Variants in ENTHD1 observed in about 807,000 individuals in gnomAD.
ENTHD1 encodes ENTH domain containing 1, also known as ENTH domain-containing protein 1.
In ENTHD1, 23 loss-of-function variants were observed where a neutral mutation model predicts 39.1. The ratio of observed to expected loss-of-function variants is 0.59; its 90% confidence interval spans 0.42 to 0.83. The LOEUF is 0.83. Ranked by LOEUF, ENTHD1 falls within the 40% of genes least tolerant of loss-of-function variation. The pLI is 0.00. For missense variants in ENTHD1, 624 were observed against 705.4 expected, an observed-to-expected ratio of 0.88 and a Z score of 1.31; for synonymous variants, 230 against 258.2, an observed-to-expected ratio of 0.89 and a Z score of 1.05.
At chr22:39,765,849 A>C (rs532779452) in intron 5 of ENTHD1, among the ~76,000 whole-genome samples, 17 of 152,030 alleles carry the variant, frequency 1.1e-4, no homozygotes, top group Admixed American at 3.3e-4. Context: ...TGAAGCACAA[A>C]GCAAGGAAAG....
At chr22:39,835,305 T>C (rs2065900741) in intron 4 of ENTHD1, among the ~76,000 whole-genome samples, 1 of 152,088 alleles carries the variant, frequency 6.6e-6, no homozygotes, top group South Asian at 2.1e-4. Context: ...AGTATACAAT[T>C]ATTTCATAGT....
At chr22:39,883,869 A>AG (rs1473310443) in intron 2 of ENTHD1, among the ~76,000 whole-genome samples, 2 of 151,282 alleles carry the variant, frequency 1.3e-5, no homozygotes, top group African/African-American at 2.4e-5. Flanking sequence ...AAAAAAAAAA[A>AG]AAAAAAGACA....
chr22:39,803,100 C>T (rs2065611859), intron 5 of ENTHD1, among the ~76,000 whole-genome samples: 1 of 152,154 alleles, frequency 6.6e-6, no homozygotes, highest in Admixed American at 6.5e-5. Context: ...TATGTTCCTG[C>T]TGTCTTCGGA....
chr22:39,784,579 C>T (rs906026477), intron 5 of ENTHD1, among the ~76,000 whole-genome samples: 1 of 151,202 alleles, frequency 6.6e-6, no homozygotes, highest in African/African-American at 2.4e-5. Context: ...CACACACACA[C>T]ACACTAGAAT....
At chr22:39,824,201 CTTT>C (rs71197195) in intron 4 of ENTHD1, among the ~76,000 whole-genome samples, 5 of 71,410 alleles carry the variant, frequency 7.0e-5, no homozygotes, top group African/African-American at 2.8e-4. Flanking sequence ...TTGTCCAGTT[CTTT>C]TTTTTTTTTT....
At chr22:39,807,588 C>T (rs1240874226) in intron 5 of ENTHD1, among the ~76,000 whole-genome samples, 1 of 152,110 alleles carries the variant, frequency 6.6e-6, no homozygotes, top group Non-Finnish European at 1.5e-5. Flanking sequence ...CTCTCTTGCC[C>T]ACTCCTCCTG....
chr22:39,848,032 T>G (rs1341750332), intron 3 of ENTHD1, among the ~76,000 whole-genome samples: 2 of 152,202 alleles, frequency 1.3e-5, no homozygotes, highest in African/African-American at 2.4e-5. Context: ...AATCCAGCTG[T>G]TGGCAGAATT....
chr22:39,892,219 A>G (rs1361524124), intron 1 of ENTHD1, among the ~76,000 whole-genome samples: 1 of 152,226 alleles, frequency 6.6e-6, no homozygotes, highest in Non-Finnish European at 1.5e-5. Flanking sequence ...TTACGTAGAA[A>G]AGGTCTTTTA....
chr22:39,823,798 A>C lies in ENTHD1; in HGVS notation c.712-2685T>G, dbSNP rs530317391. On this transcript the variant is annotated intron_variant, in intron 4 of 6. Coordinates refer to ENST00000325157, the MANE Select transcript of ENTHD1 (RefSeq NM_152512.4). Reference sequence around the variant, plus strand: ...CCTACCAGTAATATATTCGTGTTTTAATTTCTCCATATTCTCACTAGCATT... The same window carrying C: ...CCTACCAGTAATATATTCGTGTTTTCATTTCTCCATATTCTCACTAGCATT... Among the ~76,000 whole-genome samples, 6 of 152,256 alleles carry C rather than the reference A, an allele frequency of 3.9e-5. No individual in the cohort carries two copies. In the East Asian group the frequency reaches 9.6e-4, roughly 24 times the overall value.
At chr22:39,887,938 T>G in intron 1 of ENTHD1, 35 bp from the exon 2 acceptor site, 2 of 508,288 alleles carry the variant, frequency 3.9e-6, no homozygotes, top group Non-Finnish European at 6.8e-6. Flanking sequence ...TACATTAAAC[T>G]TTTTTTTAAG....
intron 5 of ENTHD1, among the ~76,000 whole-genome samples, chr22:39,770,063 T>C (rs1477125743): frequency 6.6e-6 from 1 of 152,178 alleles, no homozygotes. Context: ...GTTGTTGTTG[T>C]TGCTCGGAAA....
intron 4 of ENTHD1, among the ~76,000 whole-genome samples, chr22:39,825,446 T>A (rs2065819071): frequency 6.6e-6 from 1 of 152,210 alleles, no homozygotes; most frequent in Non-Finnish European, 1.5e-5. Context: ...ATCAGGGTAA[T>A]ACTTGCCTCA....
At chr22:39,795,629 A>C (rs2065542807) in intron 5 of ENTHD1, among the ~76,000 whole-genome samples, 1 of 149,226 alleles carries the variant, frequency 6.7e-6, no homozygotes, top group Non-Finnish European at 1.5e-5. Context: ...AGATCTTGTT[A>C]TCTTGCCCAG....
chr22:39,784,803 T>C (rs554608036), intron 5 of ENTHD1, among the ~76,000 whole-genome samples: 71 of 152,102 alleles, frequency 4.7e-4, no homozygotes, highest in African/African-American at 1.7e-3. Context: ...TGCAGGGAAG[T>C]TGATTAATGG....
chr22:39,822,347 A>G (rs2065789984), intron 4 of ENTHD1, among the ~76,000 whole-genome samples: 1 of 152,144 alleles, frequency 6.6e-6, no homozygotes, highest in African/African-American at 2.4e-5. Flanking sequence ...AAGTTTCCTC[A>G]AGCTCCTTTC....
At chr22:39,793,906 T>G (rs1352697326) in intron 5 of ENTHD1, among the ~76,000 whole-genome samples, 1 of 152,204 alleles carries the variant, frequency 6.6e-6, no homozygotes, top group Non-Finnish European at 1.5e-5. Context: ...TCTCTCCTGG[T>G]TTGTTTTCTT....
chr22:39,767,752 A>G lies in ENTHD1; in HGVS notation c.833-2143T>C, dbSNP rs137950443. 5.8e-3 allele frequency among the ~76,000 whole-genome samples: 886 copies of G among 152,346 alleles called. 4 individuals are homozygous for G. The highest frequency in any genetic ancestry group is 0.011 in the Non-Finnish European group (717 of 68,030). ...AGAACTTTCTGATGAAAATATTCAC[A>G]ATACTTAATCTAAATCTCAAAATTC... On this transcript the variant is annotated intron_variant, in intron 5 of 6. Coordinates refer to ENST00000325157, the MANE Select transcript of ENTHD1 (RefSeq NM_152512.4).
At position 39,795,318 on chromosome 22, in the gene ENTHD1, T is replaced by C. The variant is rs192632101; in HGVS notation, c.832+25675A>G. On this transcript the variant is annotated intron_variant, in intron 5 of 6. Transcript: ENST00000325157. ...TTTCCTCCTCTTGAGTTTTTTGGAA[T>C]AGTGAGAGGAGAACTGGCGTTAGTT... 3.6e-3 allele frequency among the ~76,000 whole-genome samples: 547 copies of C among 152,308 alleles called. 5 individuals carry two copies. Among genetic ancestry groups the C allele is most frequent in the African/African-American group, 0.012 (480 of 41,568 alleles).
At position 39,867,027 on chromosome 22, in the gene ENTHD1, G is replaced by A. The variant is rs980930351; in HGVS notation, c.350-5020C>T. 2.6e-5 allele frequency among the ~76,000 whole-genome samples: 4 copies of A among 151,760 alleles called. No homozygotes were observed. Among genetic ancestry groups the A allele is most frequent in the Admixed American group, 6.6e-5 (1 of 15,238 alleles). On this transcript the variant is annotated intron_variant, in intron 2 of 6. Transcript: ENST00000325157. The surrounding 1 kb of genome is among the most constrained non-coding windows in gnomAD (Gnocchi z 4.5). The stretch of plus-strand genomic sequence containing the variant: ...AAGCGATTCTCCTGCCTCAGCCTCC[G>A]GAGTAGCTGGGACTACAGGCGCCCG...
Sources: allele counts gnomAD v4.1 joint callset (sites outside exome capture counted in the v4.1 genomes callset), GRCh38; gene constraint gnomAD v4.1.1; non-coding constraint Gnocchi (gnomAD v3.1); transcripts MANE v1.5; gene names NCBI Gene and HGNC (gene_info 2026-07-23, HGNC 2026-07-21).